Variants in ERAP1 observed in about 807,000 individuals in gnomAD.
ERAP1 encodes endoplasmic reticulum aminopeptidase 1, also known as adipocyte-derived leucine aminopeptidase.
ERAP1 carries 86 observed loss-of-function variants against 103.7 expected under a neutral mutation model. The ratio of observed to expected loss-of-function variants is 0.83; its 90% CI spans 0.70 to 0.99. The LOEUF is 0.99. Ranked by LOEUF, ERAP1 falls within the 50% of genes least tolerant of loss-of-function variation. ERAP1 has a pLI of 0.00. For synonymous variants in ERAP1, 398 were observed against 402.4 expected, an observed-to-expected ratio of 0.99 and a Z score of 0.13; for missense variants, 1,009 against 1,128.4, an observed-to-expected ratio of 0.89 and a Z score of 1.52.
the ERAP1 span, chr5:96,909,238 T>C: frequency 1.1e-6 from 1 of 877,062 alleles, no homozygotes; most frequent in Non-Finnish European, 1.8e-6. Context: ...GGGGACTGAC[T>C]GATAGCATGT....
upstream of ERAP1, chr5:96,808,183 GATCCGTGTGTGTGTGT>G (rs1232356508): frequency 1.1e-6 from 1 of 920,586 alleles, no homozygotes; most frequent in Non-Finnish European, 1.2e-6. Context: ...TCTGAACGCG[GATCCGTGTGTGTGTGT>G]GTGTGTGTGT....
At chr5:96,797,110 T>G (rs1403296678) in intron 4 of ERAP1, 65 bp downstream of exon 4, 1 of 1,608,404 alleles carries the variant, frequency 6.2e-7, no homozygotes, top group Admixed American at 1.7e-5. Context: ...AGACTTCCAG[T>G]TTTAAAACCA....
At chr5:96,883,554 T>A in the ERAP1 span, among the ~76,000 whole-genome samples, 3 of 152,198 alleles carry the variant, frequency 2.0e-5, no homozygotes, top group East Asian at 5.8e-4. Flanking sequence ...TTGACCTGAG[T>A]ATGAATGAAA....
chr5:96,918,249 T>C, the ERAP1 span: 1 of 152,398 alleles, frequency 6.6e-6, no homozygotes, highest in Non-Finnish European at 1.5e-5. Context: ...AGTGACTTTC[T>C]CCATTGCTTC....
Position 96,775,595 on chromosome 5 carries a change from A to C in ERAP1, c.*801T>G, listed in dbSNP as rs543616396. On this transcript the variant is annotated 3_prime_UTR_variant, in exon 19 of 19. Coordinates refer to ENST00000443439, the MANE Select transcript of ERAP1 (RefSeq NM_001040458.3). ...AGATTTTTTGCAAAAGTGCGAGCAC[A>C]TTATGTAGAAACCACAAGTCCGCCA... The C allele has an allele frequency of 2.2e-5, 17 of 762,826 alleles. No homozygotes were observed. In the African/African-American group the frequency reaches 2.8e-4, roughly 13 times the overall value. The allele number at this position is 762,826 out of a possible 1,614,324, so 47.3% of individuals were successfully genotyped here. A position where few individuals can be genotyped will look rare whatever the true frequency, so the allele number is the denominator to read the frequency against.
rs774788241 is a variant in ERAP1 at position 96,783,050 on chromosome 5, C to T, written c.2285+1G>A. 1.3e-5 allele frequency: 21 copies of T among 1,614,038 alleles called. No homozygotes were observed. The highest frequency in any genetic ancestry group is 1.7e-5 in the Non-Finnish European group (20 of 1,180,010). On this transcript the variant is annotated splice_donor_variant, in intron 15 of 18. Transcript: ENST00000443439. LOFTEE classifies it high-confidence loss of function. ...AAATTGGTTATTTAGTAAGGACTGA[C>T]CTCAAGTTTCCATTGGATTCCTTCC...
the ERAP1 span, chr5:96,909,709 A>G: frequency 6.2e-7 from 1 of 1,614,210 alleles, no homozygotes; most frequent in Non-Finnish European, 8.5e-7. Context: ...TGCTCCTTGC[A>G]TCCAGAAAGC....
the ERAP1 span, among the ~76,000 whole-genome samples, chr5:96,852,801 G>T: frequency 2.6e-5 from 4 of 152,154 alleles, no homozygotes; most frequent in Non-Finnish European, 5.9e-5. Flanking sequence ...AATGAAGTAC[G>T]TTGATGAATA....
the ERAP1 span, among the ~76,000 whole-genome samples, chr5:96,834,006 G>A: frequency 2.6e-5 from 4 of 152,154 alleles, no homozygotes; most frequent in African/African-American, 9.7e-5. Flanking sequence ...TTGAAGTAAA[G>A]TTGCTAATTG....
chr5:96,896,697 A>G, the ERAP1 span: 6 of 1,534,458 alleles, frequency 3.9e-6, no homozygotes, highest in South Asian at 6.4e-5. Flanking sequence ...CATTTTCTTT[A>G]TCTCTTTTTT....
At chr5:96,837,965 C>T in the ERAP1 span, among the ~76,000 whole-genome samples, 1 of 151,944 alleles carries the variant, frequency 6.6e-6, no homozygotes, top group Non-Finnish European at 1.5e-5. Context: ...CAATGTCCAA[C>T]TGTAGTCTCT....
At chr5:96,922,250 A>T in the ERAP1 span, among the ~76,000 whole-genome samples, 1 of 152,212 alleles carries the variant, frequency 6.6e-6, no homozygotes, top group Admixed American at 6.5e-5. Flanking sequence ...GTGAGCCGAG[A>T]TCAGGCCACT....
At chr5:96,840,345 G>A in the ERAP1 span, among the ~76,000 whole-genome samples, 2 of 152,162 alleles carry the variant, frequency 1.3e-5, no homozygotes, top group East Asian at 1.9e-4. Flanking sequence ...GAGTAAAATC[G>A]TCCCTGATCC....
chr5:96,909,235 G>A, the ERAP1 span: 4 of 909,438 alleles, frequency 4.4e-6, no homozygotes, highest in Non-Finnish European at 6.8e-6. Flanking sequence ...TCGGGGGACT[G>A]ACTGATAGCA....
At chr5:96,844,524 C>T in the ERAP1 span, among the ~76,000 whole-genome samples, 1 of 152,178 alleles carries the variant, frequency 6.6e-6, no homozygotes, top group Non-Finnish European at 1.5e-5. Flanking sequence ...AATATGGTCG[C>T]TCGTTAATGA....
the ERAP1 span, among the ~76,000 whole-genome samples, chr5:96,887,608 C>T: frequency 1.3e-5 from 2 of 152,080 alleles, no homozygotes; most frequent in African/African-American, 4.8e-5. Flanking sequence ...CAGTTTCCAA[C>T]TGTTTTTTAT....
At chr5:96,870,032 C>G in the ERAP1 span, among the ~76,000 whole-genome samples, 1 of 151,992 alleles carries the variant, frequency 6.6e-6, no homozygotes, top group African/African-American at 2.4e-5. Context: ...AGTTGGAAAC[C>G]CAAAGAGGTG....
the ERAP1 span, among the ~76,000 whole-genome samples, chr5:96,855,408 A>G: frequency 6.9e-4 from 105 of 152,358 alleles, 1 homozygote; most frequent in African/African-American, 2.4e-3. Context: ...CTACTTTCAC[A>G]GGATACATTG....
chr5:96,903,354 C>A, the ERAP1 span: 1 of 1,572,160 alleles, frequency 6.4e-7, no homozygotes. Flanking sequence ...AATAAAATGC[C>A]TATGCCAATC....
Sources: gnomAD v4.1 joint callset for allele counts (sites outside exome capture counted in the v4.1 genomes callset) on GRCh38, gnomAD v4.1.1 for gene constraint, MANE v1.5 for transcripts, NCBI Gene and HGNC (gene_info 2026-07-23, HGNC 2026-07-21) for gene names.